TRAPPC9: variants seen among roughly 807,000 people sequenced by gnomAD.
The protein encoded by TRAPPC9 is IKK2 binding protein.
Under a neutral mutation model 124.0 loss-of-function variants are expected in TRAPPC9, and 83 were observed. The observed-to-expected ratio is 0.67, with a 90% CI of 0.56 to 0.80. TRAPPC9 has a LOEUF of 0.80. Ranked by LOEUF, TRAPPC9 falls within the 30% of genes least tolerant of loss-of-function variation. TRAPPC9 has a pLI of 0.00. For missense variants in TRAPPC9, 1,302 were observed against 1,508.3 expected, an observed-to-expected ratio of 0.86 and a Z score of 2.27; for synonymous variants, 638 against 617.5, an observed-to-expected ratio of 1.03 and a Z score of -0.49.
intron 6 of TRAPPC9, among the ~76,000 whole-genome samples, chr8:140,401,692 C>T (rs1469798384): frequency 3.3e-5 from 5 of 152,016 alleles, no homozygotes; most frequent in African/African-American, 1.2e-4. Context: ...TGCTTGATCA[C>T]AGCTCATCGT....
chr8:140,415,301 C>T (rs2069879806), intron 5 of TRAPPC9, among the ~76,000 whole-genome samples: 1 of 151,816 alleles, frequency 6.6e-6, no homozygotes, highest in Non-Finnish European at 1.5e-5. Flanking sequence ...CACCTATAAT[C>T]CCAGCATTTT....
chr8:139,757,873 G>T (rs1042909174), intron 21 of TRAPPC9, among the ~76,000 whole-genome samples: 2 of 152,150 alleles, frequency 1.3e-5, no homozygotes, highest in Admixed American at 1.3e-4. Context: ...CTGAACCCAC[G>T]GCAAGGACGC....
In TRAPPC9 at chr8:140,026,538, C is replaced by T. The variant is rs142857299; in HGVS notation, c.2557-2459G>A. Among the ~76,000 whole-genome samples, 773 of 152,260 alleles carry T rather than the reference C, an allele frequency of 5.1e-3. 5 individuals carry two copies. Among genetic ancestry groups the T allele is most frequent in the African/African-American group, 0.018 (740 of 41,540 alleles). On this transcript the variant is annotated intron_variant, in intron 17 of 22. Coordinates refer to ENST00000438773, the MANE Select transcript of TRAPPC9 (RefSeq NM_001160372.4). ...GTGATAATGGCCATCCTAAGGGACA[C>T]AAAGGAATATCTCACTGTGGTTTTG... is the stretch of plus-strand genomic sequence containing the variant.
At chr8:139,775,704 C>T (rs951343072) in intron 21 of TRAPPC9, among the ~76,000 whole-genome samples, 7 of 152,188 alleles carry the variant, frequency 4.6e-5, no homozygotes, top group African/African-American at 1.4e-4. Flanking sequence ...GGGGCCACCC[C>T]GACATCCCCC....
intron 19 of TRAPPC9, among the ~76,000 whole-genome samples, chr8:139,948,285 ACACACACACACT>A (rs1834403852): frequency 2.0e-5 from 3 of 146,764 alleles, no homozygotes; most frequent in African/African-American, 7.8e-5. Flanking sequence ...ACACACACAC[ACACACACACACT>A]GTGACGTACA....
intron 8 of TRAPPC9, among the ~76,000 whole-genome samples, chr8:140,370,186 C>A (rs912440954): frequency 6.6e-6 from 1 of 151,836 alleles, no homozygotes; most frequent in Non-Finnish European, 1.5e-5. Context: ...GTCGCCCAGG[C>A]TGGAGTGCAG....
rs79619642 is a variant in TRAPPC9 at position 140,351,780 on chromosome 8, C to T, written c.1495+8270G>A. ...TCAGGGATGACTGTGCTTCCCATCA[C>T]GCTTACAGTGGGCTGGCATGACCAC... On this transcript the variant is annotated intron_variant, in intron 9 of 22. Transcript: ENST00000438773. 2.3e-3 allele frequency among the ~76,000 whole-genome samples: 353 copies of T among 152,292 alleles called. 1 individual carries two copies. The highest frequency in any genetic ancestry group is 7.7e-3 in the African/African-American group (321 of 41,554).
At chr8:140,418,739 T>C (rs2070039415) in intron 5 of TRAPPC9, among the ~76,000 whole-genome samples, 1 of 144,258 alleles carries the variant, frequency 6.9e-6, no homozygotes, top group Non-Finnish European at 1.5e-5. Context: ...GATAGATAGA[T>C]AGATAGATAG....
rs536849444 is a variant in TRAPPC9 at position 140,170,758 on chromosome 8, C to T, written c.2556+50701G>A. 6.6e-5 allele frequency among the ~76,000 whole-genome samples: 10 copies of T among 152,306 alleles called. No homozygotes were observed. The South Asian group carries it at 1.9e-3, about 28-fold the overall frequency. ...CATGAGCTCACTCCTCTTCTGGTCACAACACCCTCATTTCCCTCTAGAGAA... is the reference window on the plus strand; with the variant it reads ...CATGAGCTCACTCCTCTTCTGGTCATAACACCCTCATTTCCCTCTAGAGAA... On this transcript the variant is annotated intron_variant, in intron 17 of 22. Transcript: ENST00000438773.
chr8:140,105,388 T>C (rs2060645642), intron 17 of TRAPPC9, among the ~76,000 whole-genome samples: 1 of 152,256 alleles, frequency 6.6e-6, no homozygotes, highest in Non-Finnish European at 1.5e-5. Flanking sequence ...TTTGATTCCC[T>C]GGGCTGGTCG....
chr8:140,161,300 C>T (rs1315807252), intron 17 of TRAPPC9, among the ~76,000 whole-genome samples: 2 of 152,200 alleles, frequency 1.3e-5, no homozygotes, highest in African/African-American at 4.8e-5. Flanking sequence ...AAGTCGCTGG[C>T]CCCGGATGAC....
chr8:140,283,875 C>T lies in TRAPPC9; in HGVS notation c.2114+14G>A. 1.2e-6 allele frequency: 2 copies of T among 1,613,868 alleles called. No individual in the cohort carries two copies. The highest frequency in any genetic ancestry group is 8.5e-7 in the Non-Finnish European group (1 of 1,179,968). ...CTCAGAGCCACTCTGCTCTGTGACCCTCGTGCACACTACCTGGGCAGAGAG... is the reference window on the plus strand; with the variant it reads ...CTCAGAGCCACTCTGCTCTGTGACCTTCGTGCACACTACCTGGGCAGAGAG... On this transcript the variant is annotated intron_variant, in intron 14 of 22. Transcript: ENST00000438773.
chr8:140,335,832 G>A (rs920607358), intron 9 of TRAPPC9, among the ~76,000 whole-genome samples: 3 of 150,104 alleles, frequency 2.0e-5, no homozygotes, highest in Non-Finnish European at 4.4e-5. Flanking sequence ...TTAGCCTCCC[G>A]AGTAGCTGGG....
chr8:140,437,729 T>A (rs1234630257), intron 3 of TRAPPC9, among the ~76,000 whole-genome samples: 4 of 152,210 alleles, frequency 2.6e-5, no homozygotes, highest in Admixed American at 1.3e-4. Flanking sequence ...TTATCATAAG[T>A]GGCTGACAGG....
At chr8:139,956,030 C>T (rs1203149709) in intron 19 of TRAPPC9, among the ~76,000 whole-genome samples, 2 of 152,338 alleles carry the variant, frequency 1.3e-5, no homozygotes, top group South Asian at 2.1e-4. Context: ...CTGGTTAGCA[C>T]GCGGAGACCT....
chr8:140,122,818 T>C (rs1188040357), intron 17 of TRAPPC9, among the ~76,000 whole-genome samples: 1 of 152,044 alleles, frequency 6.6e-6, no homozygotes, highest in Non-Finnish European at 1.5e-5. Flanking sequence ...TCAGGAAGCC[T>C]CTCTCGAGAA....
chr8:139,731,995 G>T lies in TRAPPC9; in HGVS notation c.3263C>A (p.Thr1088Asn), dbSNP rs907831031. 4 of 1,587,962 alleles carry T rather than the reference G, an allele frequency of 2.5e-6. No homozygotes were observed. Among genetic ancestry groups the T allele is most frequent in the Middle Eastern group, 3.3e-4 (2 of 6,046 alleles). Residue 1088 changes from threonine (T) to asparagine (N), a missense_variant, in exon 22 of 23, where the codon ACC becomes AAC. Coordinates refer to ENST00000438773, the MANE Select transcript of TRAPPC9 (RefSeq NM_001160372.4). The part of the protein sequence containing the change: ...HDTVSFVGSS[T>N]FYLDAVQPSG... The stretch of plus-strand genomic sequence containing the variant: ...ACCACGCACCGCGTCGAGGTAGAAG[G>T]TGCTGGAGCCCACGAAGGAGACGGT...
chr8:140,317,269 G>A (rs1482347336), intron 9 of TRAPPC9, among the ~76,000 whole-genome samples: 1 of 151,828 alleles, frequency 6.6e-6, no homozygotes. Context: ...GTCTGTTCTT[G>A]TTTTTCTAAT....
At chr8:140,101,946 T>A (rs1021718918) in intron 17 of TRAPPC9, among the ~76,000 whole-genome samples, 3 of 152,170 alleles carry the variant, frequency 2.0e-5, no homozygotes, top group African/African-American at 7.2e-5. Flanking sequence ...TATTTCATGA[T>A]GTTCTGGTAT....
Sources: gnomAD v4.1 joint callset for allele counts (sites outside exome capture counted in the v4.1 genomes callset) on GRCh38, gnomAD v4.1.1 for gene constraint, MANE v1.5 for transcripts, NCBI Gene and HGNC (gene_info 2026-07-23, HGNC 2026-07-21) for gene names.